Variants in PTPRD observed in about 807,000 individuals in gnomAD.
PTPRD encodes receptor-type tyrosine-protein phosphatase delta.
A neutral mutation model predicts 214.5 loss-of-function variants in PTPRD; 34 were observed. The observed-to-expected ratio is 0.16, with a 90% CI of 0.12 to 0.21. The LOEUF (loss-of-function observed/expected upper bound fraction) is 0.21, where lower values mean the gene tolerates loss of function less well. Ranked by LOEUF, PTPRD falls within the 10% of genes least tolerant of loss-of-function variation. PTPRD has a pLI of 1.00. For missense variants in PTPRD, 2,545 were observed against 2,398.7 expected (o/e 1.06, Z -1.27); for synonymous variants, 1,128 against 845.7 (o/e 1.33, Z -5.79).
intron 7 of PTPRD, among the ~76,000 whole-genome samples, chr9:9,575,043 G>C (rs1208918482): frequency 6.7e-6 from 1 of 148,606 alleles, no homozygotes; most frequent in African/African-American, 2.5e-5. Context: ...CTTGCTTCTT[G>C]TAAGACTATA....
At chr9:8,924,952 A>T (rs1164016385) in intron 11 of PTPRD, among the ~76,000 whole-genome samples, 1 of 152,076 alleles carries the variant, frequency 6.6e-6, no homozygotes, top group Non-Finnish European at 1.5e-5. Flanking sequence ...GCTGCTGATG[A>T]TTGTGGTGGA....
intron 3 of PTPRD, among the ~76,000 whole-genome samples, chr9:10,123,185 G>A (rs1563957899): frequency 6.6e-6 from 1 of 152,168 alleles, no homozygotes; most frequent in Non-Finnish European, 1.5e-5. Flanking sequence ...ATTGAGAAAG[G>A]GGACACAGTG....
chr9:8,740,336 G>C (rs1598427598), intron 11 of PTPRD, among the ~76,000 whole-genome samples: 1 of 152,100 alleles, frequency 6.6e-6, no homozygotes, highest in East Asian at 1.9e-4. Context: ...TGGCAGCAAA[G>C]AACTGCCACA....
At chr9:9,529,052 C>A (rs1376629559) in intron 8 of PTPRD, among the ~76,000 whole-genome samples, 1 of 151,290 alleles carries the variant, frequency 6.6e-6, no homozygotes, top group Non-Finnish European at 1.5e-5. Context: ...TCAGCCTCAG[C>A]CTCCAGAGTA....
At chr9:8,385,574 G>C (rs1341386985) in intron 37 of PTPRD, among the ~76,000 whole-genome samples, 1 of 152,130 alleles carries the variant, frequency 6.6e-6, no homozygotes, top group Non-Finnish European at 1.5e-5. Context: ...TGAAAAGAGA[G>C]ATGGGCTCTA....
intron 2 of PTPRD, among the ~76,000 whole-genome samples, chr9:10,478,323 A>G (rs1181474434): frequency 6.6e-6 from 1 of 152,148 alleles, no homozygotes; most frequent in East Asian, 1.9e-4. Context: ...AATATAAAAT[A>G]TGAATTTTAA....
intron 3 of PTPRD, among the ~76,000 whole-genome samples, chr9:10,267,346 A>C (rs1212357944): frequency 7.2e-5 from 11 of 152,206 alleles, no homozygotes; most frequent in Non-Finnish European, 1.5e-4. Context: ...GCGTCTTGAC[A>C]CTAAGTGTTA....
intron 37 of PTPRD, among the ~76,000 whole-genome samples, chr9:8,380,221 G>T (rs896952332): frequency 6.6e-6 from 1 of 152,146 alleles, no homozygotes; most frequent in Non-Finnish European, 1.5e-5. Flanking sequence ...GGGGCATCAA[G>T]GTGACATAAG....
chr9:10,353,031 A>G (rs2097208645), intron 2 of PTPRD, among the ~76,000 whole-genome samples: 1 of 152,028 alleles, frequency 6.6e-6, no homozygotes, highest in Non-Finnish European at 1.5e-5. Context: ...CAAGGTATAT[A>G]TGGTAATTTG....
At chr9:9,257,864 T>C (rs1355328116) in intron 9 of PTPRD, among the ~76,000 whole-genome samples, 2 of 151,966 alleles carry the variant, frequency 1.3e-5, no homozygotes, top group Non-Finnish European at 2.9e-5. Context: ...ACAAGTGGTC[T>C]TAAAAAATTT....
chr9:10,452,110 T>C, intron 2 of PTPRD, among the ~76,000 whole-genome samples: 1 of 152,096 alleles, frequency 6.6e-6, no homozygotes, highest in East Asian at 1.9e-4. Context: ...AATTCCAAAT[T>C]GTTTTGAAGA....
At chr9:8,834,989 G>C (rs2097382997) in intron 11 of PTPRD, among the ~76,000 whole-genome samples, 1 of 152,198 alleles carries the variant, frequency 6.6e-6, no homozygotes, top group African/African-American at 2.4e-5. Context: ...AGGTTGGCAT[G>C]ACTGAACTGA....
At chr9:9,551,469 CATT>C (rs2080218024) in intron 8 of PTPRD, among the ~76,000 whole-genome samples, 2 of 151,622 alleles carry the variant, frequency 1.3e-5, no homozygotes, top group Non-Finnish European at 1.5e-5. Flanking sequence ...ATACATAACA[CATT>C]AGTGAAATGG....
At chr9:8,558,386 T>G (rs1472356742) in intron 14 of PTPRD, among the ~76,000 whole-genome samples, 1 of 152,172 alleles carries the variant, frequency 6.6e-6, no homozygotes, top group African/African-American at 2.4e-5. Flanking sequence ...TAACAGACTC[T>G]CCCTCCTTTC....
chr9:8,922,169 T>A (rs1193212932), intron 11 of PTPRD, among the ~76,000 whole-genome samples: 1 of 152,240 alleles, frequency 6.6e-6, no homozygotes, highest in Non-Finnish European at 1.5e-5. Flanking sequence ...CTTTGTATTT[T>A]TCTCAGCAAA....
chr9:9,140,397 C>A (rs1261191393), intron 10 of PTPRD, among the ~76,000 whole-genome samples: 2 of 151,956 alleles, frequency 1.3e-5, no homozygotes, highest in Admixed American at 1.3e-4. Context: ...TTGTGTAACA[C>A]CAAATCAAAT....
At chr9:8,494,634 C>A (rs1011822508) in intron 26 of PTPRD, among the ~76,000 whole-genome samples, 1 of 152,170 alleles carries the variant, frequency 6.6e-6, no homozygotes, top group African/African-American at 2.4e-5. Flanking sequence ...AATTTTGTAG[C>A]AAGAAATTAT....
chr9:10,182,175 G>A (rs1431105175), intron 3 of PTPRD, among the ~76,000 whole-genome samples: 2 of 144,744 alleles, frequency 1.4e-5, no homozygotes, highest in African/African-American at 2.6e-5. Context: ...CAGGAGAATC[G>A]CTTGAACTAG....
At chr9:8,458,677 C>A (rs2096284749) in intron 33 of PTPRD, among the ~76,000 whole-genome samples, 1 of 152,096 alleles carries the variant, frequency 6.6e-6, no homozygotes, top group Non-Finnish European at 1.5e-5. Context: ...TATGATTACT[C>A]ACGGGGCAGG....
Sources: gnomAD v4.1 joint callset for allele counts (sites outside exome capture counted in the v4.1 genomes callset) on GRCh38, gnomAD v4.1.1 for gene constraint, MANE v1.5 for transcripts, NCBI Gene and HGNC (gene_info 2026-07-23, HGNC 2026-07-21) for gene names.